The following EXOC6B variants were observed in gnomAD, a reference collection of about 807,000 sequenced individuals.
EXOC6B encodes the protein SEC15 homolog B.
In EXOC6B, 54 loss-of-function variants were observed where a neutral mutation model predicts 113.5. The observed-to-expected ratio is 0.48, with a 90% CI of 0.38 to 0.60. EXOC6B has a LOEUF of 0.60. Ranked by LOEUF, EXOC6B falls within the 20% of genes least tolerant of loss-of-function variation. The pLI, the probability that EXOC6B is intolerant of heterozygous loss-of-function variation, is 0.00. For synonymous variants in EXOC6B, 357 were observed against 339.0 expected, an observed-to-expected ratio of 1.05 and a Z score of -0.58; for missense variants, 797 against 977.5, an observed-to-expected ratio of 0.82 and a Z score of 2.46.
intron 16 of EXOC6B, among the ~76,000 whole-genome samples, chr2:72,484,925 T>C (rs1699337759): frequency 1.4e-5 from 2 of 147,038 alleles, no homozygotes; most frequent in African/African-American, 4.9e-5. Context: ...TGTGTCTTTA[T>C]AGTAGAATGC....
At chr2:72,392,274 T>G (rs1169581476) in intron 18 of EXOC6B, among the ~76,000 whole-genome samples, 1 of 152,200 alleles carries the variant, frequency 6.6e-6, no homozygotes, top group Non-Finnish European at 1.5e-5. Flanking sequence ...AGAAGCTGGA[T>G]GTGCAACAGC....
chr2:72,330,521 C>G (rs1688362657), intron 20 of EXOC6B, among the ~76,000 whole-genome samples: 1 of 152,054 alleles, frequency 6.6e-6, no homozygotes. Flanking sequence ...CTGCTATTTT[C>G]TATGCTTTAA....
intron 20 of EXOC6B, among the ~76,000 whole-genome samples, chr2:72,296,320 C>T (rs1043741270): frequency 6.6e-6 from 1 of 151,968 alleles, no homozygotes; most frequent in Non-Finnish European, 1.5e-5. Context: ...AGAGAAAAAG[C>T]CTTCGAGTTG....
At chr2:72,460,756 G>A (rs1697582228) in intron 18 of EXOC6B, among the ~76,000 whole-genome samples, 1 of 152,120 alleles carries the variant, frequency 6.6e-6, no homozygotes, top group Non-Finnish European at 1.5e-5. Flanking sequence ...TTACACTGTT[G>A]GTGGGACTGT....
intron 6 of EXOC6B, among the ~76,000 whole-genome samples, chr2:72,576,177 A>G (rs986676685): frequency 6.6e-6 from 1 of 152,152 alleles, no homozygotes; most frequent in Non-Finnish European, 1.5e-5. Context: ...TGTGGATATA[A>G]GAGACCAATG....
intron 20 of EXOC6B, among the ~76,000 whole-genome samples, chr2:72,319,330 C>T (rs76736042): frequency 2.6e-5 from 4 of 152,132 alleles, no homozygotes; most frequent in African/African-American, 9.7e-5. Context: ...CCCCCACCCA[C>T]TAAGATCACA....
At chr2:72,452,495 G>A (rs11884162) in intron 18 of EXOC6B, among the ~76,000 whole-genome samples, 33,692 of 151,980 alleles carry the variant, frequency 0.22, 6,023 homozygotes, top group African/African-American at 0.5. Flanking sequence ...ATCAAACCTT[G>A]GGGTATGAAT....
chr2:72,782,316 T>A (rs528580555), intron 1 of EXOC6B, among the ~76,000 whole-genome samples: 112 of 152,242 alleles, frequency 7.4e-4, no homozygotes, highest in African/African-American at 2.6e-3. Context: ...AGTTCAAATA[T>A]CACCATCTCC....
intron 16 of EXOC6B, among the ~76,000 whole-genome samples, chr2:72,485,118 T>A (rs1459910438): frequency 6.6e-6 from 1 of 152,132 alleles, no homozygotes; most frequent in African/African-American, 2.4e-5. Context: ...CTTGTGGAGG[T>A]AATTTCTCCT....
intron 20 of EXOC6B, among the ~76,000 whole-genome samples, chr2:72,334,711 G>T (rs1387245382): frequency 1.3e-5 from 2 of 151,826 alleles, no homozygotes; most frequent in Non-Finnish European, 2.9e-5. Context: ...CCTCTACTCT[G>T]GGTCCCTCCT....
intron 7 of EXOC6B, among the ~76,000 whole-genome samples, chr2:72,574,131 T>G (rs948437498): frequency 1.4e-5 from 2 of 143,772 alleles, no homozygotes; most frequent in Non-Finnish European, 3.0e-5. Flanking sequence ...AAAAAAAAAG[T>G]AGTAGTTTAC....
chr2:72,795,411 T>C (rs1458730233), intron 1 of EXOC6B, among the ~76,000 whole-genome samples: 1 of 151,910 alleles, frequency 6.6e-6, no homozygotes, highest in Non-Finnish European at 1.5e-5. Flanking sequence ...CCATCTCTAT[T>C]AAAAATACAA....
intron 6 of EXOC6B, among the ~76,000 whole-genome samples, chr2:72,646,048 A>C (rs1212408893): frequency 6.6e-6 from 1 of 152,182 alleles, no homozygotes; most frequent in Non-Finnish European, 1.5e-5. Context: ...ACCATTAGCA[A>C]GACAAATAAA....
intron 6 of EXOC6B, among the ~76,000 whole-genome samples, chr2:72,639,341 G>A (rs1358771141): frequency 6.6e-6 from 1 of 152,132 alleles, no homozygotes; most frequent in Non-Finnish European, 1.5e-5. Context: ...GCACAGAGAA[G>A]GCACCCAGAA....
intron 11 of EXOC6B, among the ~76,000 whole-genome samples, chr2:72,512,684 T>C (rs2105669190): frequency 1.3e-5 from 2 of 152,062 alleles, no homozygotes; most frequent in South Asian, 2.1e-4. Context: ...GCTAAGAACA[T>C]GGGCTCTAGA....
intron 11 of EXOC6B, among the ~76,000 whole-genome samples, chr2:72,507,153 G>C (rs1700637090): frequency 6.6e-6 from 1 of 152,026 alleles, no homozygotes; most frequent in African/African-American, 2.4e-5. Context: ...CATATATAAT[G>C]CTAGAAAATA....
intron 6 of EXOC6B, among the ~76,000 whole-genome samples, chr2:72,582,899 T>C (rs1161998315): frequency 6.6e-6 from 1 of 152,022 alleles, no homozygotes; most frequent in African/African-American, 2.4e-5. Context: ...GAATTCAAAA[T>C]GGATTGCAAA....
intron 19 of EXOC6B, among the ~76,000 whole-genome samples, chr2:72,359,396 G>A (rs770872162): frequency 2.0e-5 from 3 of 152,112 alleles, no homozygotes; most frequent in Non-Finnish European, 2.9e-5. Context: ...ACCCTCCAGA[G>A]GATGCAGCAA....
intron 6 of EXOC6B, among the ~76,000 whole-genome samples, chr2:72,644,621 G>A (rs915009201): frequency 6.6e-6 from 1 of 152,186 alleles, no homozygotes; most frequent in Non-Finnish European, 1.5e-5. Context: ...AGAAGAGAGT[G>A]GGGGCCAATA....
Sources: gnomAD v4.1 joint callset for allele counts (sites outside exome capture counted in the v4.1 genomes callset) on GRCh38, gnomAD v4.1.1 for gene constraint, MANE v1.5 for transcripts, NCBI Gene and HGNC (gene_info 2026-07-23, HGNC 2026-07-21) for gene names.